The following CRADD variants were observed in gnomAD, a reference collection of about 807,000 sequenced individuals.
CRADD encodes the protein CARD and death domain containing adaptor protein, also known as death domain-containing protein CRADD.
Under a neutral mutation model 15.5 loss-of-function variants are expected in CRADD, and 9 were observed. That is an observed-to-expected ratio of 0.58 (90% confidence interval 0.35 to 1.01). The LOEUF is 1.01. Ranked by LOEUF, CRADD falls within the 50% of genes least tolerant of loss-of-function variation. The probability of loss-of-function intolerance (pLI) is 0.02; values close to 1 mark genes in which losing one functional copy is unlikely to be tolerated. For missense variants in CRADD, 227 were observed against 250.3 expected, an observed-to-expected ratio of 0.91 and a Z score of 0.63; for synonymous variants, 118 against 107.6, an observed-to-expected ratio of 1.10 and a Z score of -0.60.
At chr12:93,775,094 C>A (rs1957127110) in intron 2 of CRADD, among the ~76,000 whole-genome samples, 1 of 152,100 alleles carries the variant, frequency 6.6e-6, no homozygotes, top group South Asian at 2.1e-4. Flanking sequence ...TGACAAAAAC[C>A]CAAAATGATG....
intron 2 of CRADD, among the ~76,000 whole-genome samples, chr12:93,829,931 A>G (rs1192791455): frequency 7.9e-5 from 12 of 152,044 alleles, no homozygotes; most frequent in Non-Finnish European, 1.3e-4. Flanking sequence ...ACCTCAGGCA[A>G]TCCGCCCACC....
rs1282622675 is a variant in CRADD, at chr12:93,787,317, T to G, written c.299-62653T>G. Among the ~76,000 whole-genome samples, 33 of 149,874 alleles carry G rather than the reference T, an allele frequency of 2.2e-4. 2 individuals are homozygous for G. The highest frequency in any genetic ancestry group is 1.3e-3 in the Admixed American group (20 of 15,062). ...GTAGTATGACAGGGTTTTTTTTTTT[T>G]TTTTTTTTTTTTTAATATCACATCA... On this transcript the variant is annotated intron_variant, in intron 2 of 2. Coordinates refer to ENST00000332896, the MANE Select transcript of CRADD (RefSeq NM_003805.5).
chr12:93,799,157 G>A (rs545439352), intron 2 of CRADD, among the ~76,000 whole-genome samples: 3 of 152,256 alleles, frequency 2.0e-5, no homozygotes, highest in East Asian at 3.9e-4. Context: ...AAGGCCCCAA[G>A]GAATCCAAAA....
intron 2 of CRADD, among the ~76,000 whole-genome samples, chr12:93,773,351 A>G (rs1957104927): frequency 6.6e-6 from 1 of 152,144 alleles, no homozygotes; most frequent in Admixed American, 6.5e-5. Context: ...TCTGGTGGTG[A>G]CGAATGAGTC....
intron 2 of CRADD, among the ~76,000 whole-genome samples, chr12:93,746,717 C>A (rs373039658): frequency 2.0e-5 from 3 of 151,984 alleles, no homozygotes; most frequent in Admixed American, 2.0e-4. Flanking sequence ...GAGGTTAAAT[C>A]TGAATAAATA....
chr12:93,855,204 T>G (rs935408472), downstream of CRADD, among the ~76,000 whole-genome samples: 3 of 151,832 alleles, frequency 2.0e-5, no homozygotes, highest in Non-Finnish European at 4.4e-5. Context: ...AAAAAAAAAT[T>G]AACTTCCGTG....
intron 2 of CRADD, among the ~76,000 whole-genome samples, chr12:93,807,482 C>T (rs1031721486): frequency 6.6e-6 from 1 of 152,112 alleles, no homozygotes; most frequent in Non-Finnish European, 1.5e-5. Context: ...AACGAGGCAG[C>T]CAGCCCTCCA....
Position 93,777,361 on chromosome 12 carries a change from G to A in CRADD, c.299-72609G>A, listed in dbSNP as rs1957151693. Among the ~76,000 whole-genome samples, 5 of 152,316 alleles carry A rather than the reference G, an allele frequency of 3.3e-5. No individual in the cohort carries two copies. The South Asian group carries it at 1.0e-3, about 32-fold the overall frequency. Reference sequence around the variant, plus strand: ...ACTGAATTTCTTACTCGTTGTTCTTGTTCAGTCCTTCGAATACACAGAAGA... The same window carrying A: ...ACTGAATTTCTTACTCGTTGTTCTTATTCAGTCCTTCGAATACACAGAAGA... On this transcript the variant is annotated intron_variant, in intron 2 of 2. Coordinates refer to ENST00000332896, the MANE Select transcript of CRADD (RefSeq NM_003805.5).
At chr12:93,686,344 G>A (rs1325555515) in intron 2 of CRADD, among the ~76,000 whole-genome samples, 1 of 146,456 alleles carries the variant, frequency 6.8e-6, no homozygotes, top group Non-Finnish European at 1.5e-5. Flanking sequence ...AATAATAATG[G>A]TGTGAGGATG....
chr12:93,833,838 A>G (rs1052280792), intron 2 of CRADD, among the ~76,000 whole-genome samples: 2 of 150,482 alleles, frequency 1.3e-5, no homozygotes, highest in Non-Finnish European at 3.0e-5. Flanking sequence ...TTTTCCAATT[A>G]TGTTTTTGTG....
intron 2 of CRADD, among the ~76,000 whole-genome samples, chr12:93,809,992 C>A (rs1281397452): frequency 6.6e-6 from 1 of 152,122 alleles, no homozygotes; most frequent in East Asian, 1.9e-4. Flanking sequence ...TTGTACAAAC[C>A]TTTTAAAGAA....
chr12:93,736,921 GATACAA>G (rs533745660), intron 2 of CRADD, among the ~76,000 whole-genome samples: 125 of 152,222 alleles, frequency 8.2e-4, no homozygotes, highest in Non-Finnish European at 1.4e-3. Flanking sequence ...AGGCACTGGA[GATACAA>G]ATACAATTAT....
At chr12:93,757,225 G>T (rs1406763746) in intron 2 of CRADD, among the ~76,000 whole-genome samples, 1 of 152,154 alleles carries the variant, frequency 6.6e-6, no homozygotes, top group South Asian at 2.1e-4. Flanking sequence ...GTCTACTCCA[G>T]GTAGAGTTTT....
intron 2 of CRADD, among the ~76,000 whole-genome samples, chr12:93,713,064 G>GT (rs934976517): frequency 1.9e-4 from 29 of 150,272 alleles, no homozygotes; most frequent in African/African-American, 5.9e-4. Context: ...TTTGAAGATC[G>GT]TTTTTTTTTA....
chr12:93,802,165 G>A (rs930514590), intron 2 of CRADD, among the ~76,000 whole-genome samples: 3 of 152,206 alleles, frequency 2.0e-5, no homozygotes, highest in Admixed American at 2.0e-4. Flanking sequence ...GCATGTGCAT[G>A]TGTCTTTTTC....
At chr12:93,724,923 C>T (rs998232194) in intron 2 of CRADD, among the ~76,000 whole-genome samples, 4 of 151,880 alleles carry the variant, frequency 2.6e-5, no homozygotes, top group Non-Finnish European at 5.9e-5. Flanking sequence ...TGCAGTGGCG[C>T]GATCTCGGCT....
chr12:93,862,115 A>G (rs1282602343), intron 2 of CRADD, among the ~76,000 whole-genome samples: 1 of 152,152 alleles, frequency 6.6e-6, no homozygotes, highest in East Asian at 1.9e-4. Flanking sequence ...CTCCTCAGCC[A>G]TGTGGAACTG....
At chr12:93,767,921 G>T (rs1957042736) in intron 2 of CRADD, among the ~76,000 whole-genome samples, 1 of 152,184 alleles carries the variant, frequency 6.6e-6, no homozygotes, top group Non-Finnish European at 1.5e-5. Flanking sequence ...AGATAAACCA[G>T]TATTGACATT....
At chr12:93,834,486 G>GT (rs1483445770) in intron 2 of CRADD, among the ~76,000 whole-genome samples, 2 of 152,038 alleles carry the variant, frequency 1.3e-5, no homozygotes, top group Non-Finnish European at 2.9e-5. Context: ...TTTAAAATTA[G>GT]TTTGGTTTTT....
Sources: gnomAD v4.1 joint callset for allele counts (sites outside exome capture counted in the v4.1 genomes callset) on GRCh38, gnomAD v4.1.1 for gene constraint, MANE v1.5 for transcripts, NCBI Gene and HGNC (gene_info 2026-07-23, HGNC 2026-07-21) for gene names.